Variants in LMX1A observed in about 807,000 individuals in gnomAD.
LMX1A encodes LIM homeobox transcription factor 1-alpha.
In LMX1A, 15 loss-of-function variants were observed where a neutral mutation model predicts 49.1. The ratio of observed to expected loss-of-function variants is 0.31; its 90% CI spans 0.20 to 0.47. The LOEUF is 0.47. LMX1A is among the 20% of genes least tolerant of loss of function. The pLI is 1.00. For synonymous variants in LMX1A, 167 were observed against 185.7 expected (o/e 0.90, Z 0.82); for missense variants, 372 against 475.8 (o/e 0.78, Z 2.03).
intron 4 of LMX1A, among the ~76,000 whole-genome samples, chr1:165,238,950 A>G (rs758688317): frequency 6.6e-6 from 1 of 152,222 alleles, no homozygotes; most frequent in Non-Finnish European, 1.5e-5. Context: ...AAATAATAAC[A>G]TTGCTTTCCT....
At chr1:165,283,124 C>A (rs1018465408) in intron 3 of LMX1A, among the ~76,000 whole-genome samples, 3 of 151,750 alleles carry the variant, frequency 2.0e-5, no homozygotes, top group Non-Finnish European at 4.4e-5. Flanking sequence ...AATGGTGGAC[C>A]CATAAAATTA....
At chr1:165,271,082 T>C (rs1329319680) in intron 3 of LMX1A, among the ~76,000 whole-genome samples, 2 of 152,190 alleles carry the variant, frequency 1.3e-5, no homozygotes, top group African/African-American at 4.8e-5. Flanking sequence ...TCATTTATCC[T>C]AGCTAGGCCA....
intron 3 of LMX1A, among the ~76,000 whole-genome samples, chr1:165,269,823 T>C (rs1267962696): frequency 6.6e-6 from 1 of 152,086 alleles, no homozygotes; most frequent in East Asian, 1.9e-4. Context: ...TGTTCTCACT[T>C]ATAAGTGGGA....
At chr1:165,268,341 T>C (rs1399971012) in intron 3 of LMX1A, among the ~76,000 whole-genome samples, 4 of 152,210 alleles carry the variant, frequency 2.6e-5, no homozygotes, top group African/African-American at 7.2e-5. Context: ...ACATATTTAC[T>C]CTTCTCTTGA....
intron 3 of LMX1A, among the ~76,000 whole-genome samples, chr1:165,279,846 G>A (rs541111069): frequency 2.4e-4 from 36 of 152,234 alleles, no homozygotes; most frequent in Middle Eastern, 3.4e-3. Flanking sequence ...GGGCTTGAGA[G>A]AGTCGTTTAC....
intron 4 of LMX1A, among the ~76,000 whole-genome samples, chr1:165,234,321 C>A (rs1192438404): frequency 1.3e-5 from 2 of 152,166 alleles, no homozygotes; most frequent in Non-Finnish European, 2.9e-5. Context: ...GTCCTAGTTA[C>A]AGTTTCATAC....
At chr1:165,322,984 T>G (rs182144603) in intron 3 of LMX1A, among the ~76,000 whole-genome samples, 1 of 152,302 alleles carries the variant, frequency 6.6e-6, no homozygotes, top group African/African-American at 2.4e-5. Context: ...CACAATTTGC[T>G]GATTCCAAAC....
At chr1:165,245,046 G>T (rs1371726620) in intron 4 of LMX1A, among the ~76,000 whole-genome samples, 1 of 152,098 alleles carries the variant, frequency 6.6e-6, no homozygotes, top group African/African-American at 2.4e-5. Flanking sequence ...ACATGCTTTT[G>T]TGTAAGATCA....
At chr1:165,300,140 A>C (rs1005994364) in intron 3 of LMX1A, among the ~76,000 whole-genome samples, 1 of 151,788 alleles carries the variant, frequency 6.6e-6, no homozygotes, top group African/African-American at 2.4e-5. Context: ...TCCCAGGTCA[A>C]CTCCTTCACC....
rs145605795 is a variant in LMX1A, at chr1:165,260,350, CTG to C, written c.264-10712_264-10711del. Among the ~76,000 whole-genome samples the C allele has an allele frequency of 5.3e-5, 8 of 150,446 alleles. No individual in the cohort carries two copies. The South Asian group carries it at 8.4e-4, about 16-fold the overall frequency. On this transcript the variant is annotated intron_variant, in intron 3 of 8. Transcript: ENST00000342310. ...TATTTCCTGGTGTGTGTGTGTGTGT[CTG>C]TGTGTGTGTGCATGTGTGTGTGATA... is the stretch of plus-strand genomic sequence containing the variant.
chr1:165,253,431 G>A (rs1190661500), intron 3 of LMX1A, among the ~76,000 whole-genome samples: 1 of 152,180 alleles, frequency 6.6e-6, no homozygotes, highest in African/African-American at 2.4e-5. Context: ...AGTTTTGAGG[G>A]TGGAATGAAG....
At chr1:165,317,234 T>C (rs1274526546) in intron 3 of LMX1A, among the ~76,000 whole-genome samples, 1 of 151,080 alleles carries the variant, frequency 6.6e-6, no homozygotes, top group Non-Finnish European at 1.5e-5. Flanking sequence ...TAGTTTATTT[T>C]TAAGCCCATA....
At chr1:165,349,815 T>C (rs939533764) in intron 3 of LMX1A, among the ~76,000 whole-genome samples, 2 of 152,186 alleles carry the variant, frequency 1.3e-5, no homozygotes, top group Admixed American at 6.5e-5. Context: ...AGAATGAAAT[T>C]TTAACTTTTT....
chr1:165,244,811 T>C lies in LMX1A; in HGVS notation c.496+4597A>G, dbSNP rs112939640. Among the ~76,000 whole-genome samples the C allele has an allele frequency of 5.2e-3, 791 of 151,814 alleles. 12 individuals are homozygous for C. Among genetic ancestry groups the C allele is most frequent in the African/African-American group, 0.018 (760 of 41,380 alleles). On this transcript the variant is annotated intron_variant, in intron 4 of 8. Coordinates refer to ENST00000342310, the MANE Select transcript of LMX1A (RefSeq NM_177398.4). The stretch of plus-strand genomic sequence containing the variant: ...AGACACTTCTCTAGAAGTTTGTAAA[T>C]GTTGGGGAGTCTCTCCTGGAGACCT...
chr1:165,330,675 T>G (rs1231978404), intron 3 of LMX1A, among the ~76,000 whole-genome samples: 2 of 152,186 alleles, frequency 1.3e-5, no homozygotes, highest in Non-Finnish European at 2.9e-5. Flanking sequence ...AACTTGATTT[T>G]CCTGTTCTTA....
At chr1:165,257,304 T>C (rs890093284) in intron 3 of LMX1A, among the ~76,000 whole-genome samples, 1 of 151,854 alleles carries the variant, frequency 6.6e-6, no homozygotes, top group Admixed American at 6.6e-5. Context: ...ACTGTCTTCA[T>C]AGGAGAAACA....
At chr1:165,326,274 T>G (rs542497839) in intron 3 of LMX1A, among the ~76,000 whole-genome samples, 1 of 152,304 alleles carries the variant, frequency 6.6e-6, no homozygotes, top group African/African-American at 2.4e-5. Flanking sequence ...GAGTCCGATT[T>G]CCATATGATG....
intron 4 of LMX1A, among the ~76,000 whole-genome samples, chr1:165,226,974 T>G (rs1652059030): frequency 6.6e-6 from 1 of 152,136 alleles, no homozygotes; most frequent in Non-Finnish European, 1.5e-5. Flanking sequence ...GAAGAAAGAT[T>G]AACAGGCCTT....
At chr1:165,307,419 G>C (rs1198907409) in intron 3 of LMX1A, among the ~76,000 whole-genome samples, 1 of 152,180 alleles carries the variant, frequency 6.6e-6, no homozygotes, top group Non-Finnish European at 1.5e-5. Context: ...GTGCCAGATA[G>C]GTAGAAAAAA....
Sources: gnomAD v4.1 joint callset for allele counts (sites outside exome capture counted in the v4.1 genomes callset) on GRCh38, gnomAD v4.1.1 for gene constraint, MANE v1.5 for transcripts, NCBI Gene and HGNC (gene_info 2026-07-23, HGNC 2026-07-21) for gene names.